The following DCAKD variants were observed in gnomAD, a reference collection of about 807,000 sequenced individuals.
The protein encoded by DCAKD is dephospho-CoA kinase domain-containing protein.
DCAKD carries 15 observed loss-of-function variants against 18.7 expected under a neutral mutation model. That is an observed-to-expected ratio of 0.80 (90% CI 0.54 to 1.24). The LOEUF (loss-of-function observed/expected upper bound fraction) is 1.24, where lower values mean the gene tolerates loss of function less well. Among genes scored for constraint, DCAKD ranks in the 50% most tolerant of loss-of-function variants. The pLI is 0.00. For missense variants in DCAKD, 301 were observed against 322.0 expected, an observed-to-expected ratio of 0.93 and a Z score of 0.50; for synonymous variants, 130 against 133.0, an observed-to-expected ratio of 0.98 and a Z score of 0.16.
chr17:45,042,276 A>G (rs1427309393), intron 1 of DCAKD, among the ~76,000 whole-genome samples: 1 of 152,044 alleles, frequency 6.6e-6, no homozygotes, highest in Non-Finnish European at 1.5e-5. Flanking sequence ...TGGACTCGTC[A>G]TGCTTTGGAC....
intron 1 of DCAKD, among the ~76,000 whole-genome samples, chr17:45,038,614 CT>C (rs1334591830): frequency 2.0e-5 from 3 of 152,204 alleles, no homozygotes; most frequent in African/African-American, 7.2e-5. Context: ...GATTATCATA[CT>C]GTTTTCTTCC....
Position 45,024,136 on chromosome 17 carries a change from TGTTG to T in DCAKD, c.*293_*296del. The stretch of plus-strand genomic sequence containing the variant: ...ACAGAAATGTATAGCAGTCTCTGAC[TGTTG>T]CTTTCACACACCATCACGGTTGCTG... On this transcript the variant is annotated 3_prime_UTR_variant, in exon 5 of 5. Coordinates refer to ENST00000651974, the MANE Select transcript of DCAKD (RefSeq NM_001288655.2). The T allele has an allele frequency of 2.7e-6, 1 of 371,090 alleles. No homozygotes were observed. Among genetic ancestry groups the T allele is most frequent in the Non-Finnish European group, 5.0e-6 (1 of 199,500 alleles). 23.0% of individuals were successfully genotyped at this position (371,090 alleles called of 1,614,324 possible).
chr17:45,054,256 T>A, upstream of DCAKD: 7 of 447,342 alleles, frequency 1.6e-5, no homozygotes, highest in East Asian at 7.1e-5. Flanking sequence ...TTTTATTTAT[T>A]TTTTTTTTTG....
chr17:45,060,229 AAG>A (rs1337594015), intron 1 of DCAKD, among the ~76,000 whole-genome samples: 1 of 152,296 alleles, frequency 6.6e-6, no homozygotes, highest in African/African-American at 2.4e-5. Flanking sequence ...TTATTAAAGA[AAG>A]AGTTGATGTG....
intron 1 of DCAKD, among the ~76,000 whole-genome samples, chr17:45,059,639 T>C (rs1003706705): frequency 2.6e-5 from 4 of 152,234 alleles, no homozygotes; most frequent in Non-Finnish European, 5.9e-5. Context: ...TACCTTTTAG[T>C]AACTGATTTC....
At position 45,028,693 on chromosome 17, in the gene DCAKD, A is replaced by AG. The variant is rs558837405; in HGVS notation, c.404+1398dup. ...CCAAAGTGCTGGGATTATAGGCATGAGCCACTGCACCCAGCCTTTTTTTTG... is the reference window on the plus strand; with the variant it reads ...CCAAAGTGCTGGGATTATAGGCATGAGGCCACTGCACCCAGCCTTTTTTTTG... On this transcript the variant is annotated intron_variant, in intron 4 of 4. Coordinates refer to ENST00000651974, the MANE Select transcript of DCAKD (RefSeq NM_001288655.2). Among the ~76,000 whole-genome samples, 220 of 149,960 alleles carry AG rather than the reference A, an allele frequency of 1.5e-3. 1 individual carries two copies. The highest frequency in any genetic ancestry group is 4.6e-3 in the Admixed American group (70 of 15,102).
chr17:45,057,667 C>A (rs559896934), intron 1 of DCAKD, among the ~76,000 whole-genome samples: 194 of 148,946 alleles, frequency 1.3e-3, no homozygotes, highest in South Asian at 8.8e-3. Context: ...AGTGCCACTG[C>A]ACTCCAGCCT....
chr17:45,045,857 G>A (rs999366884), intron 1 of DCAKD, among the ~76,000 whole-genome samples: 6 of 152,092 alleles, frequency 3.9e-5, no homozygotes, highest in African/African-American at 1.2e-4. Flanking sequence ...ACGGAGCCTT[G>A]CTCTGTTGCC....
intron 1 of DCAKD, among the ~76,000 whole-genome samples, chr17:45,058,856 T>C (rs527800557): frequency 6.6e-6 from 1 of 152,314 alleles, no homozygotes; most frequent in Admixed American, 6.5e-5. Context: ...GTGGGCATCT[T>C]TGACTGCCTT....
chr17:45,024,303 G>C lies in DCAKD; in HGVS notation c.*130C>G. 2.0e-6 allele frequency: 1 copy of C among 500,186 alleles called. No individual in the cohort carries two copies. The highest frequency in any genetic ancestry group is 4.8e-5 in the Admixed American group (1 of 20,688). 31.0% of individuals were successfully genotyped at this position (500,186 alleles called of 1,614,324 possible). ...GGAGAGTCCGTGTGTGTGTGTGTGT[G>C]TGTGTGTGTGTGTGTGTGTGTGTGT... On this transcript the variant is annotated 3_prime_UTR_variant, in exon 5 of 5. Transcript: ENST00000651974.
At chr17:45,057,926 G>A (rs187263638) in intron 1 of DCAKD, among the ~76,000 whole-genome samples, 96 of 142,056 alleles carry the variant, frequency 6.8e-4, no homozygotes, top group Middle Eastern at 4.3e-3. Flanking sequence ...CAGGAGAATC[G>A]CTTAAACCTG....
At chr17:45,026,591 G>A in intron 4 of DCAKD, 1 of 984,472 alleles carries the variant, frequency 1.0e-6, no homozygotes, top group Non-Finnish European at 1.2e-6. Flanking sequence ...TCAAACTCCT[G>A]GGCTTAAGTG....
chr17:45,046,394 G>A (rs962053001), intron 1 of DCAKD, among the ~76,000 whole-genome samples: 3 of 152,072 alleles, frequency 2.0e-5, no homozygotes, highest in African/African-American at 7.2e-5. Context: ...AAGGAGGGCT[G>A]ATCACGAGGT....
chr17:45,036,169 C>T (rs969666441), intron 1 of DCAKD, among the ~76,000 whole-genome samples: 4 of 152,156 alleles, frequency 2.6e-5, no homozygotes, highest in Non-Finnish European at 5.9e-5. Flanking sequence ...CCGGGCAAGC[C>T]GCTTGCCTCC....
At chr17:45,053,489 T>C (rs1249701690), upstream of DCAKD, among the ~76,000 whole-genome samples, 5 of 152,080 alleles carry the variant, frequency 3.3e-5, no homozygotes, top group Non-Finnish European at 7.4e-5. Context: ...TGGCATGATC[T>C]CGGCTCACTG....
chr17:45,035,823 C>T (rs77243960), intron 1 of DCAKD, among the ~76,000 whole-genome samples: 23,962 of 152,090 alleles, frequency 0.16, 2,141 homozygotes, highest in East Asian at 0.31. Context: ...GGCCTCCTCC[C>T]CACAGAAGGT....
intron 1 of DCAKD, among the ~76,000 whole-genome samples, chr17:45,039,741 T>A (rs1186517527): frequency 6.6e-6 from 1 of 152,128 alleles, no homozygotes; most frequent in Admixed American, 6.6e-5. Context: ...ACGGTGCAGC[T>A]CCCCAGGGAG....
At chr17:45,039,757 G>A (rs1266516470) in intron 1 of DCAKD, among the ~76,000 whole-genome samples, 1 of 152,242 alleles carries the variant, frequency 6.6e-6, no homozygotes, top group Non-Finnish European at 1.5e-5. Flanking sequence ...GGGAGGCTGA[G>A]AGTCACACTG....
Position 45,028,915 on chromosome 17 carries a change from G to T in DCAKD, c.404+1177C>A, listed in dbSNP as rs1449608402. Among the ~76,000 whole-genome samples the T allele has an allele frequency of 7.6e-4, 102 of 134,042 alleles. No homozygotes were observed. In the Middle Eastern group the frequency reaches 0.018, roughly 24 times the overall value. The allele number at this position is 134,042 out of a possible 152,430, so 87.9% of individuals were successfully genotyped here. A position where few individuals can be genotyped will look rare whatever the true frequency, so the allele number is the denominator to read the frequency against. On this transcript the variant is annotated intron_variant, in intron 4 of 4. Coordinates refer to ENST00000651974, the MANE Select transcript of DCAKD (RefSeq NM_001288655.2). ...AGATGGGGTTTCACCATGTTGGCCA[G>T]GCTGGTCTCGAACTCCTGACCTCAG...
Sources: allele counts gnomAD v4.1 joint callset (sites outside exome capture counted in the v4.1 genomes callset), GRCh38; gene constraint gnomAD v4.1.1; transcripts MANE v1.5; gene names NCBI Gene and HGNC (gene_info 2026-07-23, HGNC 2026-07-21).